Variants in TLE6 observed in about 807,000 individuals in gnomAD.
TLE6 encodes TLE family member 6, subcortical maternal complex member.
Under a neutral mutation model 77.1 loss-of-function variants are expected in TLE6, and 72 were observed. The ratio of observed to expected loss-of-function variants is 0.93; its 90% CI spans 0.77 to 1.14. The LOEUF (loss-of-function observed/expected upper bound fraction) is 1.14, where lower values mean the gene tolerates loss of function less well. Ranked by LOEUF, TLE6 falls within the 50% of genes most tolerant of loss-of-function variation. The pLI is 0.00. For synonymous variants in TLE6, 366 were observed against 287.3 expected (o/e 1.27, Z -2.77); for missense variants, 843 against 747.6 (o/e 1.13, Z -1.49).
chr19:2,993,780 C>T (rs1599175157), intron 15 of TLE6, among the ~76,000 whole-genome samples, 198 bp downstream of exon 15: 1 of 151,808 alleles, frequency 6.6e-6, no homozygotes, highest in South Asian at 2.1e-4. Context: ...TCCCCACCCG[C>T]CCCACCGGCG....
chr19:2,989,930 C>G (rs1342119783), intron 13 of TLE6, 145 bp downstream of exon 13: 1 of 1,167,410 alleles, frequency 8.6e-7, no homozygotes, highest in Non-Finnish European at 1.2e-6. Flanking sequence ...AACCCCTTGC[C>G]CCCTTGAACT....
At chr19:2,994,817 G>C (rs1326100006) in intron 16 of TLE6, 83 bp from the exon 17 acceptor site, 8 of 746,272 alleles carry the variant, frequency 1.1e-5, no homozygotes, top group African/African-American at 5.2e-5. Context: ...TTGAAGAGAC[G>C]ATGCTTCATG....
Position 2,989,048 on chromosome 19 carries a change from C to T in TLE6, c.741-13C>T. The T allele has an allele frequency of 6.2e-7, 1 of 1,610,242 alleles. No homozygotes were observed. The highest frequency in any genetic ancestry group is 8.5e-7 in the Non-Finnish European group (1 of 1,176,926). ...ACAAGCAGGTCAGTTACCCCAAGGC[C>T]TCCCCTCCCAAGATCCTGGGACCCT... On this transcript the variant is annotated splice_polypyrimidine_tract_variant and intron_variant, in intron 11 of 16. Transcript: ENST00000246112.
Position 2,993,451 on chromosome 19 carries a change from GC to G in TLE6, c.1411del (p.Gln471ArgfsTer35), listed in dbSNP as rs757974649. On this transcript the variant is annotated frameshift_variant, in exon 15 of 17. Coordinates refer to ENST00000246112, the MANE Select transcript of TLE6 (RefSeq NM_001143986.2). LOFTEE classifies it high-confidence loss of function. The stretch of plus-strand genomic sequence containing the variant: ...ACCTAGATAATGAGCCTGTCCCACA[GC>G]CCCCAGGAGGACTGGGTGCTGCTGG... ...FKSQIMSLSH[S>X]PQEDWVLLGM... 1 of 1,601,826 alleles carries G rather than the reference GC, an allele frequency of 6.2e-7. No homozygotes were observed. The highest frequency in any genetic ancestry group is 1.7e-5 in the Admixed American group (1 of 59,550).
chr19:2,987,224 A>C lies in TLE6; in HGVS notation c.527A>C (p.Lys176Thr), dbSNP rs779444424. The change falls in exon 7 of 17, where the codon AAG (lysine) becomes ACG (threonine). Residue 176 changes from lysine (K) to threonine (T), a missense_variant. Physicochemically the swap from Lys to Thr is moderately conservative, Grantham distance 78. Coordinates refer to ENST00000246112, the MANE Select transcript of TLE6 (RefSeq NM_001143986.2). ...IFAGVHDEKA[K>T]PRDRQQAPGL... ...GCCGGCGTCCACGATGAGAAGGCAA[A>C]GCCCAGAGACAGACGTGAGTGTCCC... The C allele has an allele frequency of 1.2e-6, 2 of 1,614,040 alleles. No individual in the cohort carries two copies. Among genetic ancestry groups the C allele is most frequent in the South Asian group, 1.1e-5 (1 of 91,084 alleles).
At chr19:2,984,008 C>T (rs1262674177) in intron 5 of TLE6, 1 of 152,150 alleles carries the variant, frequency 6.6e-6, no homozygotes, top group South Asian at 2.1e-4. Flanking sequence ...CCCAGGATCC[C>T]TGGCAGCCCA....
chr19:2,989,979 G>A (rs1396716979), intron 13 of TLE6, among the ~76,000 whole-genome samples, 194 bp downstream of exon 13: 1 of 152,166 alleles, frequency 6.6e-6, no homozygotes, highest in Non-Finnish European at 1.5e-5. Flanking sequence ...CTTGAATCTT[G>A]GCTGGACTGC....
In TLE6 at chr19:2,994,096, G is replaced by A; in HGVS notation, c.1614+1G>A. The A allele has an allele frequency of 1.0e-5, 16 of 1,555,078 alleles. No individual in the cohort carries two copies. Among genetic ancestry groups the A allele is most frequent in the Non-Finnish European group, 1.4e-5 (16 of 1,152,806 alleles). ...GCCGGCGGGGACAAAAGTGTTCGAG[G>A]TACTGCGGTGGGCTGGGGGCAGGAC... On this transcript the variant is annotated splice_donor_variant, in intron 16 of 16. Coordinates refer to ENST00000246112, the MANE Select transcript of TLE6 (RefSeq NM_001143986.2). LOFTEE classifies it high-confidence loss of function.
At chr19:2,987,490 C>G in intron 8 of TLE6, 118 bp downstream of exon 8, 1 of 1,455,922 alleles carries the variant, frequency 6.9e-7, no homozygotes. Flanking sequence ...TCCTGCCCCT[C>G]GGGTCCCCCG....
intron 14 of TLE6, among the ~76,000 whole-genome samples, chr19:2,992,210 C>T (rs1264734044): frequency 1.3e-5 from 2 of 152,100 alleles, no homozygotes; most frequent in African/African-American, 2.4e-5. Flanking sequence ...CAGAGGCTCA[C>T]ACCTGTAATC....
At chr19:2,987,289 A>G in intron 7 of TLE6, 51 bp downstream of exon 7, 1 of 1,614,114 alleles carries the variant, frequency 6.2e-7, no homozygotes, top group Non-Finnish European at 8.5e-7. Context: ...GCTGCGTCTC[A>G]GGGGCTGTGC....
At chr19:2,987,813 G>C (rs138741196) in intron 9 of TLE6, 23 bp downstream of exon 9, 5 of 1,614,054 alleles carry the variant, frequency 3.1e-6, no homozygotes, top group Non-Finnish European at 4.2e-6. Context: ...GGCAGGGGCC[G>C]ACCGACTCCA....
chr19:2,993,381 G>A (rs764345193), intron 14 of TLE6, 51 bp from the exon 15 acceptor site: 2 of 1,544,204 alleles, frequency 1.3e-6, no homozygotes, highest in Admixed American at 1.9e-5. Context: ...TGCTTCCTGG[G>A]CCAGGCTGGG....
intron 11 of TLE6, 79 bp downstream of exon 11, chr19:2,988,207 C>G: frequency 7.1e-7 from 1 of 1,413,954 alleles, no homozygotes; most frequent in South Asian, 1.2e-5. Context: ...CTGTTCCCGA[C>G]ACATAGAGGG....
At position 2,986,680 on chromosome 19, in the gene TLE6, C is replaced by T. The variant is rs1256943002; in HGVS notation, c.223-149C>T. On this transcript the variant is annotated intron_variant, in intron 5 of 16. Coordinates refer to ENST00000246112, the MANE Select transcript of TLE6 (RefSeq NM_001143986.2). ...AGTGAGCCGAGATTGCACCACTGCA[C>T]TCCAGCTTGGGTGACAGAGTGAGAC... The T allele has an allele frequency of 2.4e-5, 19 of 805,984 alleles. No individual in the cohort carries two copies. In the East Asian group the frequency reaches 4.4e-4, roughly 19 times the overall value. The allele number at this position is 805,984 out of a possible 1,614,324, so 49.9% of individuals were successfully genotyped here.
intron 13 of TLE6, among the ~76,000 whole-genome samples, chr19:2,990,750 C>G (rs1365618123): frequency 1.3e-5 from 2 of 150,796 alleles, no homozygotes; most frequent in Non-Finnish European, 2.9e-5. Flanking sequence ...CCTGTAATCC[C>G]AGCACTTTGG....
chr19:2,982,332 G>A (rs2088814853), intron 5 of TLE6, 143 bp downstream of exon 5: 14 of 838,836 alleles, frequency 1.7e-5, no homozygotes, highest in Non-Finnish European at 2.5e-5. Context: ...GAGGTCAGGA[G>A]TTCGAGACCA....
intron 8 of TLE6, 127 bp downstream of exon 8, chr19:2,987,499 C>G (rs1158574760): frequency 7.1e-7 from 1 of 1,410,232 alleles, no homozygotes; most frequent in Admixed American, 1.7e-5. Context: ...TCGGGTCCCC[C>G]GGGGGGGACT....
intron 8 of TLE6, 134 bp downstream of exon 8, chr19:2,987,506 G>T (rs909408422): frequency 2.2e-6 from 3 of 1,340,096 alleles, no homozygotes; most frequent in Non-Finnish European, 3.2e-6. Flanking sequence ...CCCCGGGGGG[G>T]ACTTGGGTGA....
Sources: allele counts gnomAD v4.1 joint callset (sites outside exome capture counted in the v4.1 genomes callset), GRCh38; gene constraint gnomAD v4.1.1; transcripts MANE v1.5; gene names NCBI Gene and HGNC (gene_info 2026-07-23, HGNC 2026-07-21).